STAM: variants seen among roughly 807,000 people sequenced by gnomAD.
STAM encodes the protein signal transducing adapter molecule 1.
STAM carries 16 observed loss-of-function variants against 63.4 expected under a neutral mutation model. The ratio of observed to expected loss-of-function variants is 0.25; its 90% CI spans 0.17 to 0.38. The LOEUF is 0.38. Among genes scored for constraint, STAM ranks in the 10% least tolerant of loss-of-function variants. The pLI is 1.00. For missense variants in STAM, 636 were observed against 657.1 expected (o/e 0.97, Z 0.35); for synonymous variants, 238 against 223.9 (o/e 1.06, Z -0.56).
rs1836799073 is a variant in STAM, at chr10:17,715,985, C to G, written c.*1205C>G. On this transcript the variant is annotated 3_prime_UTR_variant, in exon 14 of 14. Coordinates refer to ENST00000377524, the MANE Select transcript of STAM (RefSeq NM_003473.4). ...ACACTGGATTTTTGGGTTGCTCTTT[C>G]TGGCCTTTTAAAATTCTAATGGAAT... 1 of 152,474 alleles carries G rather than the reference C, an allele frequency of 6.6e-6. No homozygotes were observed. Among genetic ancestry groups the G allele is most frequent in the Admixed American group, 6.5e-5 (1 of 15,282 alleles). 9.4% of individuals were successfully genotyped at this position (152,474 alleles called of 1,614,324 possible). A position where few individuals can be genotyped will look rare whatever the true frequency, so the allele number is the denominator to read the frequency against.
rs897144743 is a variant in STAM, at chr10:17,669,050, C to G, written c.125+8502C>G. ...AGCCACCAGACTGTCCCCACAGTCTCAGTATGGTTTTGTTTTTTACATTCA... is the reference window on the plus strand; with the variant it reads ...AGCCACCAGACTGTCCCCACAGTCTGAGTATGGTTTTGTTTTTTACATTCA... On this transcript the variant is annotated intron_variant, in intron 2 of 13. Transcript: ENST00000377524. Among the ~76,000 whole-genome samples the G allele has an allele frequency of 7.9e-5, 12 of 152,268 alleles. No homozygotes were observed. The East Asian group carries it at 1.5e-3, about 20-fold the overall frequency.
At chr10:17,703,008 C>CAAA (rs71507229) in intron 9 of STAM, among the ~76,000 whole-genome samples, 1,521 of 65,112 alleles carry the variant, frequency 0.023, 47 homozygotes, top group African/African-American at 0.067. Context: ...GACTCCATCT[C>CAAA]AAAAAAAAAA....
At chr10:17,687,102 C>T (rs986620500) in intron 4 of STAM, among the ~76,000 whole-genome samples, 3 of 152,132 alleles carry the variant, frequency 2.0e-5, no homozygotes, top group Non-Finnish European at 4.4e-5. Flanking sequence ...TTATCTCTTT[C>T]TTTAATACGG....
chr10:17,646,110 C>T (rs561893240), intron 1 of STAM, among the ~76,000 whole-genome samples: 43 of 152,328 alleles, frequency 2.8e-4, no homozygotes, highest in African/African-American at 9.1e-4. Flanking sequence ...TATCTTTCAA[C>T]ATATCCTTGT....
chr10:17,672,193 C>T (rs1279038487), intron 2 of STAM, among the ~76,000 whole-genome samples: 2 of 152,142 alleles, frequency 1.3e-5, no homozygotes, highest in African/African-American at 2.4e-5. Flanking sequence ...GTGACCGCGC[C>T]TAACATTGAG....
intron 5 of STAM, among the ~76,000 whole-genome samples, chr10:17,691,503 G>T: frequency 6.8e-6 from 1 of 147,656 alleles, no homozygotes; most frequent in East Asian, 2.0e-4. Flanking sequence ...GGGCGACAGA[G>T]CGAGACTCAA....
intron 1 of STAM, among the ~76,000 whole-genome samples, chr10:17,656,384 C>G (rs1391343465): frequency 2.6e-5 from 4 of 151,404 alleles, no homozygotes; most frequent in African/African-American, 7.3e-5. Flanking sequence ...ATTGGAAGTT[C>G]TGATCATGTG....
intron 2 of STAM, among the ~76,000 whole-genome samples, chr10:17,680,927 C>T (rs552024842): frequency 7.1e-4 from 108 of 152,284 alleles, no homozygotes; most frequent in Non-Finnish European, 1.3e-3. Flanking sequence ...GCTATGAACA[C>T]GGGTATACCA....
intron 2 of STAM, among the ~76,000 whole-genome samples, chr10:17,678,478 T>C (rs1834946415): frequency 6.6e-6 from 1 of 152,192 alleles, no homozygotes; most frequent in Non-Finnish European, 1.5e-5. Context: ...GGTCTCGAAC[T>C]CCTGATCTCA....
intron 2 of STAM, among the ~76,000 whole-genome samples, chr10:17,665,077 G>A (rs1367925181): frequency 2.0e-5 from 3 of 150,962 alleles, no homozygotes; most frequent in Admixed American, 6.6e-5. Context: ...AATATTCTTA[G>A]GTTTTAAAGG....
At chr10:17,648,254 A>T (rs904275776) in intron 1 of STAM, among the ~76,000 whole-genome samples, 4 of 152,194 alleles carry the variant, frequency 2.6e-5, no homozygotes, top group Admixed American at 1.3e-4. Flanking sequence ...AGTGCTCTGT[A>T]AAAACGCACC....
At position 17,705,576 on chromosome 10, in the gene STAM, G is replaced by C; in HGVS notation, c.1056-12G>C. 6.2e-7 allele frequency: 1 copy of C among 1,607,796 alleles called. No homozygotes were observed. Among genetic ancestry groups the C allele is most frequent in the South Asian group, 1.1e-5 (1 of 89,338 alleles). Reference sequence around the variant, plus strand: ...TAACAGCTATGCTTCAAATTATTGTGTCATGTTTCAGAAAACATTCAGAAC... The same window carrying C: ...TAACAGCTATGCTTCAAATTATTGTCTCATGTTTCAGAAAACATTCAGAAC... On this transcript the variant is annotated splice_polypyrimidine_tract_variant and intron_variant, in intron 11 of 13. Transcript: ENST00000377524.
intron 1 of STAM, among the ~76,000 whole-genome samples, chr10:17,646,340 C>T (rs1369969237): frequency 4.6e-5 from 7 of 152,146 alleles, no homozygotes; most frequent in African/African-American, 1.7e-4. Flanking sequence ...TTTTAGAAGT[C>T]TCAGGACATT....
rs1353171614 is a variant in STAM, at chr10:17,696,567, A to G, written c.729-208A>G. The G allele has an allele frequency of 1.0e-5, 5 of 479,102 alleles. No homozygotes were observed. In the East Asian group the frequency reaches 1.6e-4, roughly 15 times the overall value. 29.7% of individuals were successfully genotyped at this position (479,102 alleles called of 1,614,324 possible). A position where few individuals can be genotyped will look rare whatever the true frequency, so the allele number is the denominator to read the frequency against. On this transcript the variant is annotated intron_variant, in intron 7 of 13. Transcript: ENST00000377524. ...ACTGCAGAGCATGCATTGGCAGTCA[A>G]GAAGATAAACAACTGTGTGTTGAAT...
intron 8 of STAM, among the ~76,000 whole-genome samples, chr10:17,698,715 A>G (rs938987838): frequency 6.6e-6 from 1 of 152,028 alleles, no homozygotes; most frequent in East Asian, 1.9e-4. Context: ...TCCCTTTGTT[A>G]TATATTGTAT....
intron 1 of STAM, among the ~76,000 whole-genome samples, chr10:17,658,981 T>C (rs183818848): frequency 1.8e-3 from 272 of 152,372 alleles, no homozygotes; most frequent in Non-Finnish European, 2.8e-3. Context: ...GTTACTGTTT[T>C]CTATTCATTG....
At chr10:17,683,074 C>T (rs1190738323) in intron 2 of STAM, among the ~76,000 whole-genome samples, 1 of 152,112 alleles carries the variant, frequency 6.6e-6, no homozygotes, top group African/African-American at 2.4e-5. Context: ...CTTAATCTGC[C>T]ATTTTTCTAG....
intron 1 of STAM, 124 bp from the exon 2 acceptor site, chr10:17,660,340 C>A: frequency 1.8e-6 from 1 of 551,200 alleles, no homozygotes; most frequent in Non-Finnish European, 3.1e-6. Flanking sequence ...AACTAGAATG[C>A]TGGCAACTAT....
chr10:17,688,426 T>TTAA (rs1835384527), intron 5 of STAM, among the ~76,000 whole-genome samples: 1 of 152,164 alleles, frequency 6.6e-6, no homozygotes, highest in Non-Finnish European at 1.5e-5. Flanking sequence ...ACGAATTGGT[T>TTAA]TAACATTTTG....
Sources: gnomAD v4.1 joint callset for allele counts (sites outside exome capture counted in the v4.1 genomes callset) on GRCh38, gnomAD v4.1.1 for gene constraint, MANE v1.5 for transcripts, NCBI Gene and HGNC (gene_info 2026-07-23, HGNC 2026-07-21) for gene names.